The following PRH1 variants were observed in gnomAD, a reference collection of about 807,000 sequenced individuals.
PRH1 encodes proline rich protein HaeIII subfamily 1.
In PRH1, 7 loss-of-function variants were observed where a neutral mutation model predicts 7.9. The observed-to-expected ratio is 0.89, with a 90% CI of 0.50 to 1.67. The LOEUF is 1.67. Ranked by LOEUF, PRH1 falls within the 40% of genes most tolerant of loss-of-function variation. PRH1 has a pLI of 0.00. For synonymous variants in PRH1, 45 were observed against 80.8 expected, an observed-to-expected ratio of 0.56 and a Z score of 2.38; for missense variants, 109 against 223.6, an observed-to-expected ratio of 0.49 and a Z score of 3.27.
chr12:11,133,155 GTA>G, intron 1 of PRH1: 1 of 1,091,746 alleles, frequency 9.2e-7, no homozygotes, highest in Non-Finnish European at 1.3e-6. Flanking sequence ...CTATATATAT[GTA>G]CTTTTCTAGA....
At chr12:11,021,867 G>T in intron 1 of PRH1, 1 of 1,495,490 alleles carries the variant, frequency 6.7e-7, no homozygotes, top group Non-Finnish European at 9.0e-7. Flanking sequence ...CAAATAACAT[G>T]AGGAAGGAGG....
intron 2 of PRH1, among the ~76,000 whole-genome samples, chr12:10,902,771 C>T (rs1009110210): frequency 6.6e-6 from 1 of 152,086 alleles, no homozygotes; most frequent in African/African-American, 2.4e-5. Flanking sequence ...TTCCATCAAA[C>T]TAACCTTTAT....
At chr12:11,021,856 G>A (rs1941653239) in intron 1 of PRH1, 4 of 1,614,244 alleles carry the variant, frequency 2.5e-6, no homozygotes, top group African/African-American at 2.7e-5. Flanking sequence ...AAAGTAAATG[G>A]CAAATAACAT....
intron 1 of PRH1, among the ~76,000 whole-genome samples, chr12:11,031,716 T>TGC (rs1942229590): frequency 6.6e-6 from 1 of 152,188 alleles, no homozygotes; most frequent in Non-Finnish European, 1.5e-5. Flanking sequence ...GAGCGATTGG[T>TGC]GCATTTTACA....
chr12:11,077,598 T>C lies in PRH1; in HGVS notation n.124-30410A>G, dbSNP rs1565628718. ...GGACCTTGGTGCTGAGATCTTGAGA[T>C]CCTTTGCCATGGAGCTGCATCTTCT... On this transcript the variant is annotated intron_variant and non_coding_transcript_variant, in intron 1 of 4. Transcript: ENST00000541977. The C allele has an allele frequency of 4.6e-6, 6 of 1,302,608 alleles. 1 individual carries two copies. Among genetic ancestry groups the C allele is most frequent in the Non-Finnish European group, 6.6e-6 (6 of 907,022 alleles). 80.7% of individuals were successfully genotyped at this position (1,302,608 alleles called of 1,614,324 possible).
At chr12:11,169,559 G>A (rs1020146919) in intron 1 of PRH1, among the ~76,000 whole-genome samples, 8 of 152,228 alleles carry the variant, frequency 5.3e-5, no homozygotes, top group Admixed American at 5.2e-4. Context: ...GGGCGTAAAG[G>A]GTGGCACAAA....
chr12:10,890,399 G>A (rs1949554075), intron 2 of PRH1, among the ~76,000 whole-genome samples: 1 of 152,064 alleles, frequency 6.6e-6, no homozygotes, highest in African/African-American at 2.4e-5. Flanking sequence ...GTGTGTGTGT[G>A]TGTTTGTGTG....
At chr12:11,047,165 G>T (rs569362353) in exon 1 of PRH1, 12 of 408,654 alleles carry the variant, frequency 2.9e-5, no homozygotes, top group Non-Finnish European at 6.5e-5. Context: ...TGCCCTTGGG[G>T]CCTTGAGCCA....
chr12:10,932,152 G>A (rs780054142), intron 2 of PRH1: 8 of 389,106 alleles, frequency 2.1e-5, no homozygotes, highest in African/African-American at 4.1e-5. Flanking sequence ...CTTCCTCACC[G>A]CAGTAAACCA....
chr12:10,930,416 C>G, intron 2 of PRH1: 1 of 1,490,718 alleles, frequency 6.7e-7, no homozygotes, highest in South Asian at 1.2e-5. Context: ...ATATCAGTGC[C>G]CCAGAGATAT....
At chr12:10,981,950 C>A (rs1439400997) in intron 1 of PRH1, among the ~76,000 whole-genome samples, 1 of 151,638 alleles carries the variant, frequency 6.6e-6, no homozygotes, top group Non-Finnish European at 1.5e-5. Flanking sequence ...CCACTTCGGC[C>A]TCCTAAATTA....
intron 1 of PRH1, among the ~76,000 whole-genome samples, chr12:10,979,326 G>A (rs1717984945): frequency 6.7e-6 from 1 of 149,280 alleles, no homozygotes; most frequent in Non-Finnish European, 1.5e-5. Context: ...TTGATTTAGT[G>A]ATTTAGTGAT....
chr12:11,128,926 C>CT (rs939165987), intron 1 of PRH1, among the ~76,000 whole-genome samples: 14 of 123,994 alleles, frequency 1.1e-4, no homozygotes, highest in Non-Finnish European at 9.0e-5. Context: ...GAACTTCCAC[C>CT]TTTTTTTTTG....
intron 1 of PRH1, among the ~76,000 whole-genome samples, chr12:11,156,718 C>A (rs1269879499): frequency 3.3e-5 from 5 of 152,036 alleles, no homozygotes; most frequent in Middle Eastern, 6.8e-3. Context: ...TAAGTTATTT[C>A]TATGGATAAA....
chr12:11,043,859 C>T (rs1268435584), intron 1 of PRH1, among the ~76,000 whole-genome samples: 4 of 152,064 alleles, frequency 2.6e-5, no homozygotes, highest in Admixed American at 6.5e-5. Flanking sequence ...TTAAAATGGC[C>T]ATACTACCCA....
At chr12:11,078,711 G>T (rs1400364607) in intron 1 of PRH1, 2 of 151,830 alleles carry the variant, frequency 1.3e-5, no homozygotes, top group African/African-American at 4.8e-5. Context: ...TGTCTAAATT[G>T]TTAAAGGAGC....
intron 2 of PRH1, among the ~76,000 whole-genome samples, chr12:10,928,259 A>C (rs1950151164): frequency 6.6e-6 from 1 of 152,232 alleles, no homozygotes; most frequent in Admixed American, 6.5e-5. Flanking sequence ...ATACTGAGTA[A>C]AAAACAGAAG....
chr12:10,917,235 T>A (rs1298503614), intron 2 of PRH1, among the ~76,000 whole-genome samples: 1 of 152,162 alleles, frequency 6.6e-6, no homozygotes, highest in African/African-American at 2.4e-5. Flanking sequence ...AATACCACCA[T>A]GAAAATGTCC....
intron 1 of PRH1, among the ~76,000 whole-genome samples, chr12:11,026,061 A>C (rs1289880977): frequency 6.6e-6 from 1 of 151,990 alleles, no homozygotes; most frequent in East Asian, 1.9e-4. Flanking sequence ...TCTGAGACAC[A>C]GTCTCCCTCT....
Sources: gnomAD v4.1 joint callset for allele counts (sites outside exome capture counted in the v4.1 genomes callset) on GRCh38, gnomAD v4.1.1 for gene constraint, MANE v1.5 for transcripts, NCBI Gene and HGNC (gene_info 2026-07-23, HGNC 2026-07-21) for gene names.